The following CLIP2 variants were observed in gnomAD, a reference collection of about 807,000 sequenced individuals.
CLIP2 encodes CAP-Gly domain-containing linker protein 2.
Under a neutral mutation model 111.7 loss-of-function variants are expected in CLIP2, and 41 were observed. The observed-to-expected ratio is 0.37, with a 90% CI of 0.29 to 0.48. The LOEUF is 0.48. Ranked by LOEUF, CLIP2 falls within the 20% of genes least tolerant of loss-of-function variation. The probability of loss-of-function intolerance (pLI) is 0.99; values close to 1 mark genes in which losing one functional copy is unlikely to be tolerated. For synonymous variants in CLIP2, 660 were observed against 644.2 expected (o/e 1.02, Z -0.37); for missense variants, 1,160 against 1,422.1 (o/e 0.82, Z 2.96).
intron 11 of CLIP2, 33 bp downstream of exon 11, chr7:74,380,896 G>A (rs1454844118): frequency 6.2e-7 from 1 of 1,608,356 alleles, no homozygotes; most frequent in Non-Finnish European, 8.5e-7. Context: ...GGGACTCTGG[G>A]CTCTGGGAAG....
intron 3 of CLIP2, among the ~76,000 whole-genome samples, chr7:74,345,250 T>G (rs1789770643): frequency 6.6e-6 from 1 of 152,064 alleles, no homozygotes; most frequent in Non-Finnish European, 1.5e-5. Context: ...TTTAATTTTT[T>G]TTTAGACAGA....
At chr7:74,375,006 G>A (rs185676822) in intron 9 of CLIP2, among the ~76,000 whole-genome samples, 7 of 152,046 alleles carry the variant, frequency 4.6e-5, no homozygotes. Context: ...CCTTCCTAAG[G>A]CAGGATAATG....
At chr7:74,372,586 TG>T (rs1417476037) in intron 8 of CLIP2, among the ~76,000 whole-genome samples, 2 of 144,686 alleles carry the variant, frequency 1.4e-5, no homozygotes, top group Admixed American at 1.3e-4. Context: ...GGCTGCTGGT[TG>T]GGGGTTGGGG....
intron 1 of CLIP2, among the ~76,000 whole-genome samples, chr7:74,316,983 G>T (rs539557860): frequency 6.6e-6 from 1 of 152,306 alleles, no homozygotes; most frequent in East Asian, 1.9e-4. Context: ...GGGCTCAAGC[G>T]ATCCACCAGC....
chr7:74,313,221 C>T (rs954179490), intron 1 of CLIP2, among the ~76,000 whole-genome samples: 3 of 151,724 alleles, frequency 2.0e-5, no homozygotes, highest in African/African-American at 4.8e-5. Context: ...CCCAGCTACT[C>T]GGGAGCCTGG....
intron 1 of CLIP2, among the ~76,000 whole-genome samples, chr7:74,298,361 T>G (rs1788231367): frequency 6.8e-6 from 1 of 148,118 alleles, no homozygotes; most frequent in East Asian, 2.0e-4. Flanking sequence ...AATTGGTTTT[T>G]TTTTTTTTTT....
At chr7:74,309,719 G>A (rs1192229177) in intron 1 of CLIP2, among the ~76,000 whole-genome samples, 8 of 151,616 alleles carry the variant, frequency 5.3e-5, no homozygotes, top group East Asian at 1.9e-4. Context: ...TTAGCCGGGC[G>A]TGGTGGCACA....
At chr7:74,359,992 G>T (rs1275262583) in intron 6 of CLIP2, among the ~76,000 whole-genome samples, 183 bp from the exon 7 acceptor site, 1 of 152,190 alleles carries the variant, frequency 6.6e-6, no homozygotes, top group Non-Finnish European at 1.5e-5. Context: ...TGCCTCTCTT[G>T]TTCCTACTGG....
rs5874 is a variant in CLIP2, at chr7:74,405,694, C to G, written c.*1846C>G. 97,179 of 152,506 alleles carry G rather than the reference C, an allele frequency of 0.64. 31,327 individuals are homozygous for G. The highest frequency in any genetic ancestry group is 0.73 in the East Asian group (3,759 of 5,146). The allele number at this position is 152,506 out of a possible 1,614,324, so 9.4% of individuals were successfully genotyped here. A position where few individuals can be genotyped will look rare whatever the true frequency, so the allele number is the denominator to read the frequency against. ...TACTAACAGCCAGAGGTCCATCTAG[C>G]AGGGTGCCGGGAGGAGCTGAGCCCC... On this transcript the variant is annotated 3_prime_UTR_variant, in exon 17 of 17. Coordinates refer to ENST00000223398, the MANE Select transcript of CLIP2 (RefSeq NM_003388.5).
intron 8 of CLIP2, 138 bp from the exon 9 acceptor site, chr7:74,372,794 C>T (rs1790666223): frequency 9.3e-6 from 6 of 647,796 alleles, no homozygotes; most frequent in Admixed American, 5.0e-5. Context: ...AATCTACTCT[C>T]CTCGCCTTGT....
intron 2 of CLIP2, among the ~76,000 whole-genome samples, chr7:74,322,485 G>C (rs1192275982): frequency 6.6e-6 from 1 of 151,948 alleles, no homozygotes; most frequent in Non-Finnish European, 1.5e-5. Context: ...GTGGATGCCT[G>C]TAATCCCAGC....
intron 3 of CLIP2, among the ~76,000 whole-genome samples, chr7:74,343,259 G>A (rs1192941961): frequency 6.6e-6 from 1 of 151,820 alleles, no homozygotes; most frequent in Non-Finnish European, 1.5e-5. Context: ...CTGGACTCCT[G>A]GACCCCTGCA....
chr7:74,390,746 GGT>G (rs200770956), intron 13 of CLIP2, among the ~76,000 whole-genome samples: 25,446 of 127,336 alleles, frequency 0.2, 2,609 homozygotes, highest in African/African-American at 0.23. Flanking sequence ...TTTCTGGCGG[GGT>G]GGGGGGGGTG....
At chr7:74,389,508 G>C in intron 13 of CLIP2, 1 of 295,872 alleles carries the variant, frequency 3.4e-6, no homozygotes, top group Non-Finnish European at 6.1e-6. Context: ...TGTAATCCCA[G>C]CACTTTGGGA....
chr7:74,359,801 G>C (rs1373180094), intron 6 of CLIP2, among the ~76,000 whole-genome samples: 1 of 152,182 alleles, frequency 6.6e-6, no homozygotes, highest in Non-Finnish European at 1.5e-5. Flanking sequence ...CTGGGCCTCT[G>C]TCCCCATCTG....
chr7:74,388,065 C>A (rs1554315124), intron 12 of CLIP2, among the ~76,000 whole-genome samples: 1 of 152,030 alleles, frequency 6.6e-6, no homozygotes. Flanking sequence ...CATGGTGGCT[C>A]ATGCCTGTAA....
At chr7:74,399,817 G>A (rs1169325840) in intron 14 of CLIP2, among the ~76,000 whole-genome samples, 1 of 151,656 alleles carries the variant, frequency 6.6e-6, no homozygotes, top group Non-Finnish European at 1.5e-5. Flanking sequence ...TGGGATTACA[G>A]GCGTGAGCCA....
chr7:74,328,999 G>C (rs1281956031), intron 2 of CLIP2, among the ~76,000 whole-genome samples: 1 of 150,268 alleles, frequency 6.7e-6, no homozygotes, highest in African/African-American at 2.4e-5. Flanking sequence ...TGCAAGCTCC[G>C]CCTCCCGGGT....
At chr7:74,401,690 T>A in intron 16 of CLIP2, 123 bp downstream of exon 16, 1 of 1,003,066 alleles carries the variant, frequency 1.0e-6, no homozygotes, top group Admixed American at 2.0e-5. Flanking sequence ...TACAGTAGGG[T>A]CCCTCAGGGA....
Sources: allele counts gnomAD v4.1 joint callset (sites outside exome capture counted in the v4.1 genomes callset), GRCh38; gene constraint gnomAD v4.1.1; transcripts MANE v1.5; gene names NCBI Gene and HGNC (gene_info 2026-07-23, HGNC 2026-07-21).